The following OSBP2 variants were observed in gnomAD, a reference collection of about 807,000 sequenced individuals.
The protein encoded by OSBP2 is oxysterol-binding protein 2.
Under a neutral mutation model 96.0 loss-of-function variants are expected in OSBP2, and 66 were observed. The ratio of observed to expected loss-of-function variants is 0.69; its 90% CI spans 0.56 to 0.84. The LOEUF is 0.84. OSBP2 is among the 40% of genes least tolerant of loss of function. OSBP2 has a pLI of 0.00. For synonymous variants in OSBP2, 525 were observed against 520.9 expected (o/e 1.01, Z -0.11); for missense variants, 1,038 against 1,222.7 (o/e 0.85, Z 2.25).
At chr22:30,860,459 C>A (rs1429294323) in intron 2 of OSBP2, among the ~76,000 whole-genome samples, 3 of 152,196 alleles carry the variant, frequency 2.0e-5, no homozygotes, top group African/African-American at 7.2e-5. Context: ...TCCATGCTGT[C>A]AAACAGGGCT....
chr22:30,875,555 A>G (rs1468002206), intron 3 of OSBP2, among the ~76,000 whole-genome samples: 1 of 152,044 alleles, frequency 6.6e-6, no homozygotes, highest in East Asian at 1.9e-4. Flanking sequence ...TATTTTCAAT[A>G]GAGAAGACGT....
intron 3 of OSBP2, among the ~76,000 whole-genome samples, chr22:30,880,918 G>T (rs1350867176): frequency 6.6e-6 from 1 of 152,190 alleles, no homozygotes; most frequent in Admixed American, 6.5e-5. Flanking sequence ...TCCCCTGGGT[G>T]GGCAGCCCTT....
At chr22:30,798,367 C>G (rs186851887) in intron 2 of OSBP2, among the ~76,000 whole-genome samples, 1 of 152,124 alleles carries the variant, frequency 6.6e-6, no homozygotes, top group South Asian at 2.1e-4. Flanking sequence ...TTTCTCACAT[C>G]CTGTGGTTTT....
In OSBP2 at chr22:30,737,789, C is replaced by A. The variant is rs151037409; in HGVS notation, c.645-3372C>A. On this transcript the variant is annotated intron_variant, in intron 1 of 13. Coordinates refer to ENST00000332585, the MANE Select transcript of OSBP2 (RefSeq NM_030758.4). Reference sequence around the variant, plus strand: ...GTGCAGTGGCACGATCTCGGCTCACCACAACCTCTGCCTCCAGGATTCAAG... The same window carrying A: ...GTGCAGTGGCACGATCTCGGCTCACAACAACCTCTGCCTCCAGGATTCAAG... Among the ~76,000 whole-genome samples, 575 of 151,950 alleles carry A rather than the reference C, an allele frequency of 3.8e-3. 3 individuals carry two copies. Among genetic ancestry groups the A allele is most frequent in the African/African-American group, 0.013 (549 of 41,422 alleles).
intron 12 of OSBP2, among the ~76,000 whole-genome samples, chr22:30,898,152 G>A (rs1040780873): frequency 1.6e-4 from 25 of 152,046 alleles, no homozygotes; most frequent in East Asian, 1.4e-3. Context: ...AAAAGCCTGC[G>A]CAACATAGTG....
At chr22:30,892,573 C>A (rs1266512027) in intron 8 of OSBP2, among the ~76,000 whole-genome samples, 1 of 152,112 alleles carries the variant, frequency 6.6e-6, no homozygotes, top group Non-Finnish European at 1.5e-5. Flanking sequence ...GAAGAACAGA[C>A]AAGGGAGGCT....
chr22:30,722,284 T>A (rs963370945), intron 1 of OSBP2, among the ~76,000 whole-genome samples: 2 of 152,206 alleles, frequency 1.3e-5, no homozygotes, highest in Non-Finnish European at 2.9e-5. Flanking sequence ...ATTTTTTATT[T>A]TGGAAATTTT....
At chr22:30,708,991 T>C (rs1451534768) in intron 1 of OSBP2, among the ~76,000 whole-genome samples, 1 of 151,662 alleles carries the variant, frequency 6.6e-6, no homozygotes, top group Non-Finnish European at 1.5e-5. Flanking sequence ...TCCCAGCTAT[T>C]TGGGAGGCTG....
rs368334219 is a variant in OSBP2, at chr22:30,849,277, A to G, written c.854-21152A>G. 9.1e-4 allele frequency among the ~76,000 whole-genome samples: 139 copies of G among 152,306 alleles called. 3 individuals are homozygous for G. In the South Asian group the frequency reaches 0.027, roughly 30 times the overall value. On this transcript the variant is annotated intron_variant, in intron 2 of 13. Transcript: ENST00000332585. ...GAGTGAGACCCTATCTCAAAAAAAG[A>G]AAAGAAAAGAAAGAATTTAAAGAAA...
intron 2 of OSBP2, among the ~76,000 whole-genome samples, chr22:30,761,188 G>A (rs955723039): frequency 5.3e-5 from 8 of 152,146 alleles, no homozygotes; most frequent in Non-Finnish European, 1.2e-4. Flanking sequence ...ATTTGCAAGC[G>A]ACATGATGGC....
intron 2 of OSBP2, among the ~76,000 whole-genome samples, chr22:30,778,169 CCTTTTTTT>C (rs1344859078): frequency 3.2e-5 from 4 of 124,184 alleles, no homozygotes; most frequent in Admixed American, 1.7e-4. Context: ...TAATTTTTGC[CCTTTTTTT>C]TTTTTTTTTT....
intron 2 of OSBP2, among the ~76,000 whole-genome samples, chr22:30,765,497 C>T (rs2090259427): frequency 6.6e-6 from 1 of 152,124 alleles, no homozygotes; most frequent in African/African-American, 2.4e-5. Flanking sequence ...GCGTGAGCAA[C>T]CACTCCCTAC....
At chr22:30,763,407 G>A (rs191978448) in intron 2 of OSBP2, among the ~76,000 whole-genome samples, 11 of 152,322 alleles carry the variant, frequency 7.2e-5, no homozygotes, top group Admixed American at 3.3e-4. Context: ...AACACTTTGG[G>A]AGGCTGAAGT....
In OSBP2 at chr22:30,830,549, G is replaced by A. The variant is rs367555587; in HGVS notation, c.854-39880G>A. On this transcript the variant is annotated intron_variant, in intron 2 of 13. Coordinates refer to ENST00000332585, the MANE Select transcript of OSBP2 (RefSeq NM_030758.4). The stretch of plus-strand genomic sequence containing the variant: ...ACATTAGAAGCAGCATAGTTTGTAC[G>A]GGACAGGGCCCCTGGAATGTGACTC... Among the ~76,000 whole-genome samples, 5 of 152,204 alleles carry A rather than the reference G, an allele frequency of 3.3e-5. 1 individual carries two copies. Among genetic ancestry groups the A allele is most frequent in the Admixed American group, 2.0e-4 (3 of 15,280 alleles).
intron 12 of OSBP2, chr22:30,902,431 C>A: frequency 6.3e-7 from 1 of 1,584,336 alleles, no homozygotes; most frequent in East Asian, 2.2e-5. Context: ...TCAGTCACTT[C>A]ATGTGGACAT....
intron 2 of OSBP2, among the ~76,000 whole-genome samples, chr22:30,863,182 C>A (rs9609127): frequency 6.6e-6 from 1 of 151,944 alleles, no homozygotes; most frequent in Non-Finnish European, 1.5e-5. Context: ...TTGATATCCC[C>A]CAGACTCCCA....
At chr22:30,832,861 A>T (rs2038556731) in intron 2 of OSBP2, among the ~76,000 whole-genome samples, 1 of 152,160 alleles carries the variant, frequency 6.6e-6, no homozygotes, top group Non-Finnish European at 1.5e-5. Flanking sequence ...TGGAGTGCCC[A>T]GCTAGCCACA....
Position 30,695,003 on chromosome 22 carries a change from T to C in OSBP2, c.94T>C (p.Cys32Arg). The change falls in exon 1 of 14, where the codon TGC becomes CGC. Residue 32 changes from cysteine (C) to arginine (R), a missense_variant. By Grantham distance (180) the Cys-to-Arg change is radical. Transcript: ENST00000332585. ...SLFTVVPCLS[C>R]HTAAPGMSAS... is the part of the protein sequence containing the mutation. ...GTTCACGGTTGTCCCCTGCCTGTCG[T>C]GCCACACGGCGGCGCCGGGCATGAG... 6.4e-7 allele frequency: 1 copy of C among 1,574,280 alleles called. No individual in the cohort carries two copies. The highest frequency in any genetic ancestry group is 8.6e-7 in the Non-Finnish European group (1 of 1,163,882).
intron 2 of OSBP2, among the ~76,000 whole-genome samples, chr22:30,825,430 G>A (rs771156001): frequency 1.3e-5 from 2 of 152,184 alleles, no homozygotes; most frequent in African/African-American, 2.4e-5. Context: ...AGGTTGCTGG[G>A]AGGTTGAAAT....
Sources: allele counts gnomAD v4.1 joint callset (sites outside exome capture counted in the v4.1 genomes callset), GRCh38; gene constraint gnomAD v4.1.1; transcripts MANE v1.5; gene names NCBI Gene and HGNC (gene_info 2026-07-23, HGNC 2026-07-21).